APP: variants seen among roughly 807,000 people sequenced by gnomAD.
APP encodes the protein amyloid beta precursor protein.
APP carries 31 observed loss-of-function variants against 101.4 expected under a neutral mutation model. The observed-to-expected ratio is 0.31, with a 90% CI of 0.23 to 0.41. APP has a LOEUF of 0.41. Among genes scored for constraint, APP ranks in the 10% least tolerant of loss-of-function variants. The probability of loss-of-function intolerance (pLI) is 1.00; values close to 1 mark genes in which losing one functional copy is unlikely to be tolerated. For synonymous variants in APP, 366 were observed against 364.4 expected (o/e 1.00, Z -0.05); for missense variants, 839 against 1,003.7 (o/e 0.84, Z 2.22).
intron 17 of APP, among the ~76,000 whole-genome samples, chr21:25,890,607 C>T (rs770772992): frequency 2.0e-5 from 3 of 151,196 alleles, no homozygotes; most frequent in Admixed American, 6.6e-5. Flanking sequence ...GGCATGGTGG[C>T]GTGTGCCCAT....
At chr21:26,133,364 A>T (rs1037012888) in intron 1 of APP, among the ~76,000 whole-genome samples, 1 of 152,226 alleles carries the variant, frequency 6.6e-6, no homozygotes. Context: ...GGACTAGTCT[A>T]ATGTTTGTAT....
intron 1 of APP, among the ~76,000 whole-genome samples, chr21:26,118,762 A>C (rs2062494343): frequency 6.6e-6 from 1 of 150,942 alleles, no homozygotes; most frequent in African/African-American, 2.4e-5. Context: ...CCATGTTGCC[A>C]CTCCTGACCT....
At chr21:26,076,003 C>A (rs553400458) in intron 3 of APP, among the ~76,000 whole-genome samples, 1 of 152,284 alleles carries the variant, frequency 6.6e-6, no homozygotes, top group East Asian at 1.9e-4. Context: ...AAGTGATTCT[C>A]CTGCCTCAGC....
At chr21:25,918,778 C>G (rs1601402397) in intron 13 of APP, among the ~76,000 whole-genome samples, 1 of 150,916 alleles carries the variant, frequency 6.6e-6, no homozygotes, top group Admixed American at 6.8e-5. Context: ...TGAGATCAAA[C>G]TGCAAGGCGG....
At chr21:26,016,156 G>A (rs976290351) in intron 6 of APP, among the ~76,000 whole-genome samples, 8 of 152,018 alleles carry the variant, frequency 5.3e-5, no homozygotes, top group African/African-American at 9.7e-5. Flanking sequence ...TTGGCCACCT[G>A]AGTAGCTGGG....
intron 13 of APP, among the ~76,000 whole-genome samples, chr21:25,951,655 GAAT>G (rs1175187517): frequency 1.3e-5 from 2 of 152,146 alleles, no homozygotes; most frequent in Non-Finnish European, 2.9e-5. Context: ...TTTAATCAGA[GAAT>G]ATTAGAACGA....
chr21:25,896,701 A>G (rs997651609), intron 16 of APP, among the ~76,000 whole-genome samples: 2 of 152,170 alleles, frequency 1.3e-5, no homozygotes, highest in African/African-American at 4.8e-5. Context: ...TCCAATTCTA[A>G]CATTAGGGGG....
At chr21:25,891,090 CTTT>C (rs753209980) in intron 17 of APP, among the ~76,000 whole-genome samples, 1 of 152,140 alleles carries the variant, frequency 6.6e-6, no homozygotes, top group Non-Finnish European at 1.5e-5. Flanking sequence ...TTCTTTCTCT[CTTT>C]CTTGTTTTAG....
chr21:25,887,537 A>C (rs1047187135), intron 17 of APP, among the ~76,000 whole-genome samples: 1 of 145,786 alleles, frequency 6.9e-6, no homozygotes, highest in South Asian at 2.1e-4. Context: ...AAAAAAAAAA[A>C]AAACAACAAC....
chr21:26,150,340 C>A (rs2063239126), intron 1 of APP, among the ~76,000 whole-genome samples: 1 of 151,992 alleles, frequency 6.6e-6, no homozygotes, highest in Admixed American at 6.6e-5. Flanking sequence ...AGTGGTCTCT[C>A]CAGGGATGGA....
chr21:26,039,874 A>G (rs1364861514), intron 5 of APP, among the ~76,000 whole-genome samples: 1 of 152,132 alleles, frequency 6.6e-6, no homozygotes, highest in Non-Finnish European at 1.5e-5. Context: ...GAATAATACA[A>G]ATTAAAATAC....
intron 1 of APP, among the ~76,000 whole-genome samples, chr21:26,164,074 G>C (rs112390865): frequency 6.6e-6 from 1 of 151,840 alleles, no homozygotes; most frequent in Non-Finnish European, 1.5e-5. Context: ...GTGAAACCCC[G>C]TCTCTACTAA....
At chr21:26,025,302 T>C (rs765108097) in intron 5 of APP, among the ~76,000 whole-genome samples, 7 of 152,220 alleles carry the variant, frequency 4.6e-5, no homozygotes, top group Admixed American at 1.3e-4. Flanking sequence ...ATTTACCGTG[T>C]TTGAGATCTC....
At chr21:25,888,200 C>T (rs1383983781) in intron 17 of APP, among the ~76,000 whole-genome samples, 5 of 152,072 alleles carry the variant, frequency 3.3e-5, no homozygotes, top group African/African-American at 7.2e-5. Context: ...TAGCCAGAGC[C>T]GGAAATAAAG....
intron 14 of APP, among the ~76,000 whole-genome samples, chr21:25,909,562 T>A (rs1700998): frequency 1 from 152,356 of 152,356 alleles, 76,178 homozygotes; most frequent in Non-Finnish European, 1. Context: ...TCCTGGCAAT[T>A]ACCAAGGGTT....
At chr21:25,940,151 A>C (rs1222732420) in intron 13 of APP, among the ~76,000 whole-genome samples, 2 of 152,180 alleles carry the variant, frequency 1.3e-5, no homozygotes, top group East Asian at 3.9e-4. Flanking sequence ...AATGAGAGAG[A>C]GAAAAGAGAT....
chr21:26,095,516 G>C (rs1184018895), intron 2 of APP, among the ~76,000 whole-genome samples: 1 of 151,974 alleles, frequency 6.6e-6, no homozygotes, highest in African/African-American at 2.4e-5. Context: ...TCTATTATTA[G>C]TTGTTGTGAA....
At chr21:26,106,945 T>C (rs2062196099) in intron 2 of APP, among the ~76,000 whole-genome samples, 1 of 152,116 alleles carries the variant, frequency 6.6e-6, no homozygotes, top group Non-Finnish European at 1.5e-5. Flanking sequence ...CTAACAATGT[T>C]TTGTCACACA....
rs192614383 is a variant in APP at position 26,117,373 on chromosome 21, C to T, written c.58-5227G>A. 2.0e-5 allele frequency among the ~76,000 whole-genome samples: 3 copies of T among 152,298 alleles called. No homozygotes were observed. In the East Asian group the frequency reaches 5.8e-4, roughly 29 times the overall value. On this transcript the variant is annotated intron_variant, in intron 1 of 17. Coordinates refer to ENST00000346798, the MANE Select transcript of APP (RefSeq NM_000484.4). ...ATAATCTAGAAAATCTGAGTGAACC[C>T]CTTTCAGGGGAATAATTCATCTGTA...
Sources: allele counts gnomAD v4.1 joint callset (sites outside exome capture counted in the v4.1 genomes callset), GRCh38; gene constraint gnomAD v4.1.1; transcripts MANE v1.5; gene names NCBI Gene and HGNC (gene_info 2026-07-23, HGNC 2026-07-21).